TYR: variants seen among roughly 807,000 people sequenced by gnomAD.
TYR encodes the protein tyrosinase, also known as LB24-AB.
TYR carries 58 observed loss-of-function variants against 51.5 expected under a neutral mutation model. The observed-to-expected ratio is 1.13, with a 90% CI of 0.91 to 1.40. The LOEUF (loss-of-function observed/expected upper bound fraction) is 1.40, where lower values mean the gene tolerates loss of function less well. Ranked by LOEUF, TYR falls within the 40% of genes most tolerant of loss-of-function variation. The pLI is 0.00. For synonymous variants in TYR, 263 were observed against 235.2 expected (o/e 1.12, Z -1.08); for missense variants, 732 against 647.4 (o/e 1.13, Z -1.42).
intron 3 of TYR, among the ~76,000 whole-genome samples, chr11:89,238,454 TACTG>T (rs1317805239): frequency 6.6e-6 from 1 of 152,182 alleles, no homozygotes; most frequent in African/African-American, 2.4e-5. Flanking sequence ...CCTGTAACCT[TACTG>T]AAGTCATTTT....
chr11:89,219,421 C>G lies in TYR; in HGVS notation c.1037-8402C>G, dbSNP rs535312312. ...AAACGATTCTCCTGCCTCAGCCTCT[C>G]GAGTAGCTGGGACTACAGACATGCA... On this transcript the variant is annotated intron_variant, in intron 2 of 4. Transcript: ENST00000263321. Among the ~76,000 whole-genome samples the G allele has an allele frequency of 5.4e-3, 823 of 151,578 alleles. 6 individuals are homozygous for G. Among genetic ancestry groups the G allele is most frequent in the African/African-American group, 0.014 (581 of 41,300 alleles).
At chr11:89,262,234 T>G (rs2135307869) in intron 3 of TYR, among the ~76,000 whole-genome samples, 1 of 152,116 alleles carries the variant, frequency 6.6e-6, no homozygotes, top group South Asian at 2.1e-4. Context: ...AATTTTTGTA[T>G]TTTTAGTAGA....
rs147313410 is a variant in TYR at position 89,245,738 on chromosome 11, T to C, written c.1184+17768T>C. 2.8e-3 allele frequency among the ~76,000 whole-genome samples: 419 copies of C among 152,068 alleles called. 1 individual carries two copies. The highest frequency in any genetic ancestry group is 7.1e-3 in the African/African-American group (294 of 41,490). On this transcript the variant is annotated intron_variant, in intron 3 of 4. Coordinates refer to ENST00000263321, the MANE Select transcript of TYR (RefSeq NM_000372.5). ...GAGATCAAGACCATCCTGGCTAACA[T>C]GGTGAAACTCGGTCTCTACTAAAAA...
At chr11:89,258,053 A>G (rs1201241666) in intron 3 of TYR, among the ~76,000 whole-genome samples, 1 of 152,032 alleles carries the variant, frequency 6.6e-6, no homozygotes, top group Admixed American at 6.6e-5. Flanking sequence ...GTCCCAAAAG[A>G]TTGTGCTAAT....
intron 3 of TYR, among the ~76,000 whole-genome samples, chr11:89,264,744 A>AAC (rs1555096549): frequency 1.4e-4 from 21 of 151,528 alleles, no homozygotes; most frequent in African/African-American, 5.1e-4. Context: ...CCAAAAAAAA[A>AAC]AAACAAACAA....
chr11:89,191,075 A>G, intron 1 of TYR, 127 bp from the exon 2 acceptor site: 1 of 808,292 alleles, frequency 1.2e-6, no homozygotes, highest in Non-Finnish European at 2.1e-6. Flanking sequence ...GTCATTAAAG[A>G]CACATGATTG....
chr11:89,204,092 C>T (rs1202806318), intron 2 of TYR, among the ~76,000 whole-genome samples: 1 of 152,274 alleles, frequency 6.6e-6, no homozygotes, highest in South Asian at 2.1e-4. Flanking sequence ...TCTATCCCCA[C>T]CAGGCAGTAA....
intron 1 of TYR, among the ~76,000 whole-genome samples, chr11:89,182,234 T>C (rs1943309554): frequency 6.6e-6 from 1 of 152,180 alleles, no homozygotes; most frequent in African/African-American, 2.4e-5. Context: ...AATATACACA[T>C]GGAACAGGCT....
intron 1 of TYR, among the ~76,000 whole-genome samples, chr11:89,188,219 CAATATGGTAT>C (rs949839911): frequency 2.6e-5 from 4 of 151,622 alleles, no homozygotes; most frequent in African/African-American, 9.7e-5. Flanking sequence ...ATGAATAAGG[CAATATGGTAT>C]AGACATTAAA....
intron 1 of TYR, among the ~76,000 whole-genome samples, chr11:89,187,941 C>CA (rs1341001537): frequency 2.0e-5 from 3 of 151,414 alleles, no homozygotes; most frequent in Non-Finnish European, 4.4e-5. Context: ...AATTCATTTA[C>CA]AAAAATATTA....
intron 3 of TYR, among the ~76,000 whole-genome samples, chr11:89,233,853 A>G (rs1423253999): frequency 8.6e-6 from 1 of 116,776 alleles, no homozygotes; most frequent in Non-Finnish European, 1.7e-5. Context: ...GGCAGAGTAG[A>G]TTTAGAGTAT....
intron 2 of TYR, among the ~76,000 whole-genome samples, chr11:89,195,089 A>G (rs1021425945): frequency 9.9e-5 from 15 of 152,210 alleles, no homozygotes; most frequent in Non-Finnish European, 2.9e-5. Context: ...TATAGCAGTG[A>G]GGACAGTAGG....
chr11:89,260,617 A>G (rs1944445880), intron 3 of TYR, among the ~76,000 whole-genome samples: 1 of 152,154 alleles, frequency 6.6e-6, no homozygotes, highest in Non-Finnish European at 1.5e-5. Context: ...CAGAAAAAGT[A>G]AAGAGCACTG....
chr11:89,272,692 C>T (rs1944603323), intron 3 of TYR, among the ~76,000 whole-genome samples: 1 of 151,880 alleles, frequency 6.6e-6, no homozygotes, highest in Non-Finnish European at 1.5e-5. Flanking sequence ...TGGCATCTTC[C>T]AATAGAAGGC....
chr11:89,260,504 A>C (rs1944444651), intron 3 of TYR, among the ~76,000 whole-genome samples: 1 of 152,092 alleles, frequency 6.6e-6, no homozygotes, highest in Non-Finnish European at 1.5e-5. Flanking sequence ...TTTCCCAATA[A>C]ATGAAAAACT....
intron 4 of TYR, among the ~76,000 whole-genome samples, chr11:89,289,151 T>C (rs1944827754): frequency 6.6e-6 from 1 of 152,034 alleles, no homozygotes; most frequent in East Asian, 1.9e-4. Flanking sequence ...TGTTGATAAA[T>C]GTAATCTTAC....
chr11:89,275,766 T>C (rs1308924844), intron 3 of TYR, among the ~76,000 whole-genome samples: 1 of 151,770 alleles, frequency 6.6e-6, no homozygotes, highest in African/African-American at 2.4e-5. Context: ...TCAGATTGGT[T>C]ATAGCTTGGT....
chr11:89,247,431 C>A (rs571065944), intron 3 of TYR, among the ~76,000 whole-genome samples: 2 of 152,288 alleles, frequency 1.3e-5, no homozygotes, highest in Admixed American at 6.5e-5. Context: ...GAATTGCTTT[C>A]TATCAAGTGA....
At chr11:89,184,084 T>G (rs1295511634) in intron 1 of TYR, among the ~76,000 whole-genome samples, 1 of 152,118 alleles carries the variant, frequency 6.6e-6, no homozygotes, top group East Asian at 1.9e-4. Context: ...ACAATGCTAA[T>G]ATAATTTCTC....
Sources: allele counts gnomAD v4.1 joint callset (sites outside exome capture counted in the v4.1 genomes callset), GRCh38; gene constraint gnomAD v4.1.1; transcripts MANE v1.5; gene names NCBI Gene and HGNC (gene_info 2026-07-23, HGNC 2026-07-21).